GPAT3: variants seen among roughly 807,000 people sequenced by gnomAD.
GPAT3 encodes the protein glycerol-3-phosphate acyltransferase 3.
A neutral mutation model predicts 58.8 loss-of-function variants in GPAT3; 53 were observed. That is an observed-to-expected ratio of 0.90 (90% CI 0.72 to 1.13). The LOEUF (loss-of-function observed/expected upper bound fraction) is 1.13. Among genes scored for constraint, GPAT3 ranks in the 50% most tolerant of loss-of-function variants. The pLI is 0.00. For missense variants in GPAT3, 511 were observed against 527.6 expected, an observed-to-expected ratio of 0.97 and a Z score of 0.31; for synonymous variants, 197 against 187.4, an observed-to-expected ratio of 1.05 and a Z score of -0.42.
At chr4:83,570,311 G>A (rs533487467) in intron 2 of GPAT3, among the ~76,000 whole-genome samples, 2 of 152,300 alleles carry the variant, frequency 1.3e-5, no homozygotes, top group South Asian at 2.1e-4. Flanking sequence ...GACTACAAAA[G>A]TGTAGGTGTC....
At chr4:83,578,313 A>T (rs1725895440) in intron 2 of GPAT3, among the ~76,000 whole-genome samples, 1 of 152,206 alleles carries the variant, frequency 6.6e-6, no homozygotes, top group Non-Finnish European at 1.5e-5. Context: ...TGTCGGCTAG[A>T]TAAATTGCAG....
chr4:83,577,788 CTTT>C (rs1185047521), intron 2 of GPAT3, among the ~76,000 whole-genome samples: 2 of 66,712 alleles, frequency 3.0e-5, no homozygotes, highest in African/African-American at 5.5e-5. Context: ...GTCATTGTGG[CTTT>C]TTTTTTTTTT....
intron 5 of GPAT3, among the ~76,000 whole-genome samples, chr4:83,589,042 G>C (rs1322384657): frequency 1.3e-5 from 2 of 152,084 alleles, no homozygotes; most frequent in Non-Finnish European, 2.9e-5. Context: ...GCTTTACCAT[G>C]TGGTACCAAC....
intron 6 of GPAT3, among the ~76,000 whole-genome samples, chr4:83,592,927 T>C (rs1288390208): frequency 6.6e-6 from 1 of 152,068 alleles, no homozygotes. Context: ...AGTGCAGTGG[T>C]GTGATCTCGG....
intron 5 of GPAT3, 91 bp downstream of exon 5, chr4:83,588,390 G>A (rs896156261): frequency 1.6e-6 from 2 of 1,258,374 alleles, no homozygotes; most frequent in East Asian, 2.3e-5. Flanking sequence ...GGAAGAAGTG[G>A]GTGGAGTCAG....
intron 1 of GPAT3, among the ~76,000 whole-genome samples, chr4:83,540,016 A>G (rs997668071): frequency 6.6e-6 from 1 of 152,060 alleles, no homozygotes; most frequent in Non-Finnish European, 1.5e-5. Context: ...AAATTAGCCA[A>G]GCATGGTGGT....
intron 2 of GPAT3, among the ~76,000 whole-genome samples, chr4:83,578,938 T>TTTCTTTCTTCTTTCTTTC (rs375376133): frequency 2.5e-4 from 2 of 8,064 alleles, no homozygotes; most frequent in Non-Finnish European, 4.1e-4. Context: ...TCTTTCTTTC[T>TTTCTTTCTTCTTTCTTTC]TTTCTTTTCT....
At chr4:83,597,608 A>C (rs978943239) in intron 9 of GPAT3, 93 bp downstream of exon 9, 1 of 953,550 alleles carries the variant, frequency 1.0e-6, no homozygotes, top group South Asian at 2.5e-5. Flanking sequence ...AAAATTTGCA[A>C]GAACGAGGAA....
At chr4:83,562,575 C>T (rs995859207) in intron 2 of GPAT3, among the ~76,000 whole-genome samples, 14 of 151,338 alleles carry the variant, frequency 9.3e-5, no homozygotes, top group African/African-American at 3.4e-4. Flanking sequence ...GTGAGCCTGG[C>T]GAAGAAGTCA....
chr4:83,561,942 T>A (rs912077297), intron 2 of GPAT3, among the ~76,000 whole-genome samples: 2 of 151,534 alleles, frequency 1.3e-5, no homozygotes, highest in Non-Finnish European at 2.9e-5. Flanking sequence ...AAGTTTGATA[T>A]AATTGGTCAT....
intron 2 of GPAT3, among the ~76,000 whole-genome samples, chr4:83,562,205 TATATATTATATATATATATA>T (rs1560611008): frequency 2.2e-4 from 7 of 32,534 alleles, no homozygotes; most frequent in African/African-American, 1.4e-3. Context: ...ATATAATATA[TATATATTATATATATATATA>T]ATATATATAT....
At chr4:83,562,196 TATA>T (rs1256093509) in intron 2 of GPAT3, among the ~76,000 whole-genome samples, 21 of 44,662 alleles carry the variant, frequency 4.7e-4, no homozygotes, top group Non-Finnish European at 6.8e-4. Flanking sequence ...TATATATATA[TATA>T]ATATATATAT....
At chr4:83,576,784 T>C (rs1725839462) in intron 2 of GPAT3, among the ~76,000 whole-genome samples, 1 of 152,106 alleles carries the variant, frequency 6.6e-6, no homozygotes, top group Non-Finnish European at 1.5e-5. Flanking sequence ...TAGTACTTAC[T>C]CATTAAGGCC....
rs769937731 is a variant in GPAT3 at position 83,588,245 on chromosome 4, C to T, written c.590C>T (p.Thr197Ile). The T allele has an allele frequency of 1.2e-6, 2 of 1,613,996 alleles. No individual in the cohort carries two copies. The highest frequency in any genetic ancestry group is 2.2e-5 in the South Asian group (2 of 91,072). The change falls in exon 5 of 12, where the codon ACT becomes ATT. Residue 197 changes from threonine (T) to isoleucine (I), a missense_variant. Physicochemically the swap from Thr to Ile is moderately conservative, Grantham distance 89 (BLOSUM62 -1). Transcript: ENST00000264409. Reference protein sequence around the residue: ...KNWLSELVHLTCCRICVRALS... With the variant: ...KNWLSELVHLICCRICVRALS... ...TGGCTGAGTGAACTGGTCCATCTGA[C>T]TTGCTGCCGGATCTGTGTGCGAGCC...
intron 2 of GPAT3, among the ~76,000 whole-genome samples, chr4:83,567,515 G>A (rs1725444594): frequency 6.6e-6 from 1 of 152,198 alleles, no homozygotes. Context: ...GCTGGAAGTT[G>A]TCTGCCAAAA....
intron 2 of GPAT3, among the ~76,000 whole-genome samples, chr4:83,579,711 A>G (rs1726034935): frequency 6.6e-6 from 1 of 152,166 alleles, no homozygotes; most frequent in African/African-American, 2.4e-5. Context: ...AGAAAACTAA[A>G]TTGTTTCCAT....
At chr4:83,556,803 C>T (rs1724959040) in intron 2 of GPAT3, among the ~76,000 whole-genome samples, 1 of 151,398 alleles carries the variant, frequency 6.6e-6, no homozygotes, top group Admixed American at 6.6e-5. Flanking sequence ...AAAAGTAAAT[C>T]TATTGCTTCT....
chr4:83,588,153 A>T lies in GPAT3; in HGVS notation c.555-57A>T, dbSNP rs548815903. On this transcript the variant is annotated intron_variant, in intron 4 of 11. Coordinates refer to ENST00000264409, the MANE Select transcript of GPAT3 (RefSeq NM_032717.5). ...GAAAAAGCACATTAAAACCTTTATTATATTGTTTCTTAAGAGTGCCCAGAA... is the reference window on the plus strand; with the variant it reads ...GAAAAAGCACATTAAAACCTTTATTTTATTGTTTCTTAAGAGTGCCCAGAA... 4.2e-5 allele frequency: 62 copies of T among 1,475,622 alleles called. No homozygotes were observed. In the African/African-American group the frequency reaches 8.1e-4, roughly 19 times the overall value. 91.4% of individuals were successfully genotyped at this position (1,475,622 alleles called of 1,614,324 possible).
At chr4:83,583,832 A>G (rs1726263210) in intron 3 of GPAT3, among the ~76,000 whole-genome samples, 1 of 151,850 alleles carries the variant, frequency 6.6e-6, no homozygotes, top group South Asian at 2.1e-4. Flanking sequence ...AAAATTAGCC[A>G]GGTGTGGTGG....
Sources: gnomAD v4.1 joint callset for allele counts (sites outside exome capture counted in the v4.1 genomes callset) on GRCh38, gnomAD v4.1.1 for gene constraint, MANE v1.5 for transcripts, NCBI Gene and HGNC (gene_info 2026-07-23, HGNC 2026-07-21) for gene names.